Variants in SPOCK2 observed in about 807,000 individuals in gnomAD.
The protein encoded by SPOCK2 is SPARC (osteonectin), cwcv and kazal like domains proteoglycan 2, also known as testican-2.
Under a neutral mutation model 60.1 loss-of-function variants are expected in SPOCK2, and 39 were observed. The observed-to-expected ratio is 0.65, with a 90% confidence interval of 0.50 to 0.85. SPOCK2 has a LOEUF of 0.85. SPOCK2 is among the 40% of genes least tolerant of loss of function. SPOCK2 has a pLI of 0.00. For missense variants in SPOCK2, 523 were observed against 567.4 expected, an observed-to-expected ratio of 0.92 and a Z score of 0.80; for synonymous variants, 217 against 231.5, an observed-to-expected ratio of 0.94 and a Z score of 0.57.
intron 9 of SPOCK2, among the ~76,000 whole-genome samples, 181 bp downstream of exon 9, chr10:72,063,997 G>C (rs1033661502): frequency 6.6e-6 from 1 of 152,230 alleles, no homozygotes; most frequent in Non-Finnish European, 1.5e-5. Flanking sequence ...CAGATTGGGA[G>C]TCCCTGCCCC....
In SPOCK2 at chr10:72,068,168, G is replaced by A; in HGVS notation, c.589+19C>T. On this transcript the variant is annotated intron_variant, in intron 6 of 10. Coordinates refer to ENST00000373109, the MANE Select transcript of SPOCK2 (RefSeq NM_001244950.2). ...GGCCCTTCAGCACCCCTAGCCTGGTGGCCCAGCACTGTCCTCACCTGGTTT... is the reference window on the plus strand; with the variant it reads ...GGCCCTTCAGCACCCCTAGCCTGGTAGCCCAGCACTGTCCTCACCTGGTTT... 1 of 1,599,166 alleles carries A rather than the reference G, an allele frequency of 6.3e-7. No individual in the cohort carries two copies. The highest frequency in any genetic ancestry group is 8.5e-7 in the Non-Finnish European group (1 of 1,173,012).
At chr10:72,076,480 G>A (rs1011571238) in intron 1 of SPOCK2, among the ~76,000 whole-genome samples, 4 of 152,168 alleles carry the variant, frequency 2.6e-5, no homozygotes, top group African/African-American at 9.7e-5. Context: ...CTCTGCTGCC[G>A]ACCTCACCTG....
At chr10:72,073,092 G>A (rs146699114) in intron 1 of SPOCK2, among the ~76,000 whole-genome samples, 182 bp from the exon 2 acceptor site, 1 of 152,336 alleles carries the variant, frequency 6.6e-6, no homozygotes, top group Non-Finnish European at 1.5e-5. Context: ...TAAGAGGCCA[G>A]TATTCTTACG....
chr10:72,087,565 A>G lies in SPOCK2; in HGVS notation c.189+575T>C, dbSNP rs943964059. On this transcript the variant is annotated intron_variant, in intron 1 of 10. Coordinates refer to ENST00000373109, the MANE Select transcript of SPOCK2 (RefSeq NM_001244950.2). This position sits in a 1 kb window ranked among gnomAD's most constrained non-coding sequence, Gnocchi z 4.7. ...GGACACGCCTTCCACCATCTCGCCT[A>G]GAAGGCTGCTGGGACCCCAGACCCA... Among the ~76,000 whole-genome samples the G allele has an allele frequency of 1.3e-5, 2 of 152,120 alleles. No individual in the cohort carries two copies. The highest frequency in any genetic ancestry group is 2.9e-5 in the Non-Finnish European group (2 of 68,012).
chr10:72,070,464 G>A (rs760579469), intron 4 of SPOCK2, 38 bp from the exon 5 acceptor site: 1 of 1,598,218 alleles, frequency 6.3e-7, no homozygotes, highest in Admixed American at 1.7e-5. Flanking sequence ...GGGTGGAAGT[G>A]ACAATGAGGA....
At chr10:72,074,514 A>G (rs949792004) in intron 1 of SPOCK2, among the ~76,000 whole-genome samples, 10 of 152,242 alleles carry the variant, frequency 6.6e-5, no homozygotes, top group African/African-American at 2.4e-4. Context: ...GGACATATGC[A>G]CACACATGTG....
Position 72,080,555 on chromosome 10 carries a change from C to A in SPOCK2, c.189+7585G>T, listed in dbSNP as rs111561941. On this transcript the variant is annotated intron_variant, in intron 1 of 10. Transcript: ENST00000373109. ...CCTCCTCCGCTGAGGATTAACACCCCATCACACACCTGGGAGAGGGCACCT... is the reference window on the plus strand; with the variant it reads ...CCTCCTCCGCTGAGGATTAACACCCAATCACACACCTGGGAGAGGGCACCT... Among the ~76,000 whole-genome samples, 1,437 of 152,114 alleles carry A rather than the reference C, an allele frequency of 9.4e-3. 27 individuals carry two copies. The highest frequency in any genetic ancestry group is 0.033 in the African/African-American group (1,364 of 41,470).
At position 72,062,509 on chromosome 10, in the gene SPOCK2, G is replaced by C. The variant is rs1403816551; in HGVS notation, c.*251C>G. On this transcript the variant is annotated 3_prime_UTR_variant, in exon 11 of 11. Transcript: ENST00000373109. The surrounding 1 kb of genome is among the most constrained non-coding windows in gnomAD (Gnocchi z 4.3). Reference sequence around the variant, plus strand: ...TGACTCACTCTGCCAGGAGCAGTGTGGATCAAGGACACATTTGTCAGCGCA... The same window carrying C: ...TGACTCACTCTGCCAGGAGCAGTGTCGATCAAGGACACATTTGTCAGCGCA... 2 of 591,754 alleles carry C rather than the reference G, an allele frequency of 3.4e-6. No individual in the cohort carries two copies. Among genetic ancestry groups the C allele is most frequent in the Non-Finnish European group, 5.4e-6 (2 of 371,126 alleles). 36.7% of individuals were successfully genotyped at this position (591,754 alleles called of 1,614,324 possible). A position where few individuals can be genotyped will look rare whatever the true frequency, so the allele number is the denominator to read the frequency against.
intron 4 of SPOCK2, 35 bp from the exon 5 acceptor site, chr10:72,070,461 A>G: frequency 6.2e-7 from 1 of 1,600,886 alleles, no homozygotes; most frequent in East Asian, 2.2e-5. Flanking sequence ...CCAGGGTGGA[A>G]GTGACAATGA....
chr10:72,082,431 TC>T (rs1410989312), intron 1 of SPOCK2, among the ~76,000 whole-genome samples: 1 of 151,950 alleles, frequency 6.6e-6, no homozygotes, highest in Non-Finnish European at 1.5e-5. Context: ...CATATCTGTG[TC>T]CCCCCCAGAC....
At chr10:72,069,484 T>C (rs1335875107) in intron 5 of SPOCK2, among the ~76,000 whole-genome samples, 2 of 151,396 alleles carry the variant, frequency 1.3e-5, no homozygotes, top group East Asian at 3.9e-4. Flanking sequence ...TTTTTTTTTT[T>C]TTGGAGACAA....
Position 72,088,392 on chromosome 10 carries a change from C to A in SPOCK2, c.-64G>T. 2.8e-6 allele frequency: 4 copies of A among 1,436,844 alleles called. No homozygotes were observed. In the South Asian group the frequency reaches 5.8e-5, roughly 21 times the overall value. The allele number at this position is 1,436,844 out of a possible 1,614,324, so 89.0% of individuals were successfully genotyped here. A position where few individuals can be genotyped will look rare whatever the true frequency, so the allele number is the denominator to read the frequency against. The stretch of plus-strand genomic sequence containing the variant: ...CAGTATTTTAATGTCCTTCCTCCCA[C>A]CCCGCTGCTGGCGAAGCGCACGCGG... On this transcript the variant is annotated 5_prime_UTR_variant, in exon 1 of 11. Coordinates refer to ENST00000373109, the MANE Select transcript of SPOCK2 (RefSeq NM_001244950.2).
At position 72,087,265 on chromosome 10, in the gene SPOCK2, C is replaced by G. The variant is rs1840872356; in HGVS notation, c.189+875G>C. ...GACTTCCCCTCTGATCCACAGGTGCCGGTAAACAAAAGTGCCGCAGCTACC... is the reference window on the plus strand; with the variant it reads ...GACTTCCCCTCTGATCCACAGGTGCGGGTAAACAAAAGTGCCGCAGCTACC... On this transcript the variant is annotated intron_variant, in intron 1 of 10. Transcript: ENST00000373109. This position sits in a 1 kb window ranked among gnomAD's most constrained non-coding sequence, Gnocchi z 4.7. Among the ~76,000 whole-genome samples, 1 of 152,050 alleles carries G rather than the reference C, an allele frequency of 6.6e-6. No individual in the cohort carries two copies. Among genetic ancestry groups the G allele is most frequent in the South Asian group, 2.1e-4 (1 of 4,814 alleles).
chr10:72,066,832 AAG>A lies in SPOCK2; in HGVS notation c.928+68_928+69del. 3 of 1,583,858 alleles carry A rather than the reference AAG, an allele frequency of 1.9e-6. No individual in the cohort carries two copies. In the South Asian group the frequency reaches 3.4e-5, roughly 18 times the overall value. ...CAAGAAAGAGCCACTCTGACTTCCC[AAG>A]AGAGCCTGGAACTTCGGGTAGAGCC... is the stretch of plus-strand genomic sequence containing the variant. On this transcript the variant is annotated intron_variant, in intron 8 of 10. Transcript: ENST00000373109.
At chr10:72,072,586 T>A in intron 2 of SPOCK2, 38 bp from the exon 3 acceptor site, 1 of 1,613,338 alleles carries the variant, frequency 6.2e-7, no homozygotes, top group Non-Finnish European at 8.5e-7. Context: ...AGGGAAAGGC[T>A]AAGATCCATA....
At chr10:72,064,374 CCA>C in intron 8 of SPOCK2, 134 bp from the exon 9 acceptor site, 1 of 975,266 alleles carries the variant, frequency 1.0e-6, no homozygotes, top group Non-Finnish European at 1.4e-6. Flanking sequence ...CGGGGTCACC[CCA>C]CAGCAGGGGT....
At chr10:72,084,048 G>A (rs900174665) in intron 1 of SPOCK2, among the ~76,000 whole-genome samples, 4 of 152,088 alleles carry the variant, frequency 2.6e-5, no homozygotes, top group Admixed American at 6.5e-5. Context: ...ATTGTTAGCC[G>A]GCAGGTAACA....
intron 8 of SPOCK2, among the ~76,000 whole-genome samples, chr10:72,064,800 G>A (rs1447029065): frequency 1.3e-5 from 2 of 151,734 alleles, no homozygotes; most frequent in Admixed American, 6.6e-5. Context: ...GCGCGATCTC[G>A]GCTCACTGCA....
At chr10:72,070,238 C>A in intron 5 of SPOCK2, 74 bp downstream of exon 5, 2 of 1,477,286 alleles carry the variant, frequency 1.4e-6, no homozygotes, top group Non-Finnish European at 1.9e-6. Flanking sequence ...GAGGCCCCAG[C>A]TGGGTCATCC....
Sources: allele counts gnomAD v4.1 joint callset (sites outside exome capture counted in the v4.1 genomes callset), GRCh38; gene constraint gnomAD v4.1.1; non-coding constraint Gnocchi (gnomAD v3.1); transcripts MANE v1.5; gene names NCBI Gene and HGNC (gene_info 2026-07-23, HGNC 2026-07-21).